The following SLMAP variants were observed in gnomAD, a reference collection of about 807,000 sequenced individuals.
The protein encoded by SLMAP is sarcolemma associated protein, also known as sarcolemmal membrane-associated protein.
In SLMAP, 44 loss-of-function variants were observed where a neutral mutation model predicts 128.8. That is an observed-to-expected ratio of 0.34 (90% CI 0.27 to 0.44). The LOEUF (loss-of-function observed/expected upper bound fraction) is 0.44. SLMAP is among the 20% of genes least tolerant of loss of function. The pLI is 1.00. For synonymous variants in SLMAP, 327 were observed against 348.8 expected, an observed-to-expected ratio of 0.94 and a Z score of 0.70; for missense variants, 787 against 985.3, an observed-to-expected ratio of 0.80 and a Z score of 2.69.
chr3:57,871,827 C>T (rs957576846), intron 14 of SLMAP, 129 bp downstream of exon 14: 1 of 636,430 alleles, frequency 1.6e-6, no homozygotes, highest in African/African-American at 1.9e-5. Flanking sequence ...CTTTAGACAG[C>T]AGCAAACCTT....
chr3:57,785,185 C>G (rs990531926), intron 2 of SLMAP, among the ~76,000 whole-genome samples: 3 of 152,110 alleles, frequency 2.0e-5, no homozygotes, highest in African/African-American at 7.2e-5. Context: ...ATTTCTTAAT[C>G]TACATAAAAT....
At position 57,885,771 on chromosome 3, in the gene SLMAP, C is replaced by CTTTTTTTTTTTTTT. The variant is rs35541333; in HGVS notation, c.1301-4253_1301-4240dup. ...TTGTTTTGCTTTTCGGTTTTTGGTT[C>CTTTTTTTTTTTTTT]TTTTTTTTTTTTTTTTTTTTTTTTT... On this transcript the variant is annotated intron_variant, in intron 14 of 24. Transcript: ENST00000671191. 4.1e-4 allele frequency among the ~76,000 whole-genome samples: 22 copies of CTTTTTTTTTTTTTT among 53,580 alleles called. 3 individuals are homozygous for CTTTTTTTTTTTTTT. Among genetic ancestry groups the CTTTTTTTTTTTTTT allele is most frequent in the Non-Finnish European group, 5.6e-4 (17 of 30,196 alleles). 35.2% of individuals were successfully genotyped at this position (53,580 alleles called of 152,430 possible). A position where few individuals can be genotyped will look rare whatever the true frequency, so the allele number is the denominator to read the frequency against.
chr3:57,833,842 T>C (rs2093483273), intron 3 of SLMAP, among the ~76,000 whole-genome samples: 1 of 152,152 alleles, frequency 6.6e-6, no homozygotes, highest in Admixed American at 6.5e-5. Flanking sequence ...TGGTACTTAC[T>C]GGCTTCAAAA....
In SLMAP at chr3:57,906,438, C is replaced by G. The variant is rs144058266; in HGVS notation, c.1502-1446C>G. On this transcript the variant is annotated intron_variant, in intron 17 of 24. Coordinates refer to ENST00000671191, the MANE Select transcript of SLMAP (RefSeq NM_001377540.1). ...TCAAGCAATTCTCGTGCCTCAGCCTCCTGAGTAGCTGGGATTACAGGCGCG... is the reference window on the plus strand; with the variant it reads ...TCAAGCAATTCTCGTGCCTCAGCCTGCTGAGTAGCTGGGATTACAGGCGCG... 4.2e-3 allele frequency among the ~76,000 whole-genome samples: 624 copies of G among 147,532 alleles called. 7 individuals carry two copies. Among genetic ancestry groups the G allele is most frequent in the African/African-American group, 0.015 (605 of 40,320 alleles).
chr3:57,885,523 G>A (rs908265196), intron 14 of SLMAP, among the ~76,000 whole-genome samples: 5 of 141,942 alleles, frequency 3.5e-5, no homozygotes, highest in South Asian at 4.7e-4. Context: ...GGGTTCAAGC[G>A]ATTCTCCTGC....
At chr3:57,807,763 ATC>A (rs1371478566) in intron 2 of SLMAP, among the ~76,000 whole-genome samples, 1 of 152,120 alleles carries the variant, frequency 6.6e-6, no homozygotes, top group East Asian at 1.9e-4. Context: ...GAGTTTTGGT[ATC>A]AGGATGATGC....
chr3:57,814,237 G>A (rs191044657), intron 2 of SLMAP, among the ~76,000 whole-genome samples: 2 of 152,052 alleles, frequency 1.3e-5, no homozygotes, highest in East Asian at 1.9e-4. Context: ...TCACCCAGGC[G>A]GGAGTGCAGT....
At chr3:57,822,478 A>T (rs1014711895) in intron 2 of SLMAP, among the ~76,000 whole-genome samples, 2 of 152,224 alleles carry the variant, frequency 1.3e-5, no homozygotes, top group African/African-American at 4.8e-5. Context: ...TGTCTGAAGC[A>T]ACTATTTTGG....
intron 2 of SLMAP, among the ~76,000 whole-genome samples, chr3:57,825,097 G>A (rs1247694759): frequency 6.6e-6 from 1 of 152,044 alleles, no homozygotes; most frequent in African/African-American, 2.4e-5. Flanking sequence ...TGTTAACCTT[G>A]TAAGCTGCAA....
intron 14 of SLMAP, among the ~76,000 whole-genome samples, chr3:57,876,317 A>G (rs1434362313): frequency 1.3e-5 from 2 of 152,182 alleles, no homozygotes; most frequent in African/African-American, 2.4e-5. Flanking sequence ...ACACATTTCA[A>G]TTTGTTTTCC....
intron 2 of SLMAP, among the ~76,000 whole-genome samples, chr3:57,780,747 G>A (rs892475942): frequency 6.6e-6 from 1 of 151,812 alleles, no homozygotes; most frequent in Admixed American, 6.6e-5. Context: ...GGGCTCAAGC[G>A]ATCTTCCCAC....
intron 2 of SLMAP, among the ~76,000 whole-genome samples, chr3:57,819,904 A>G (rs1036062076): frequency 6.6e-6 from 1 of 152,064 alleles, no homozygotes; most frequent in Non-Finnish European, 1.5e-5. Flanking sequence ...GGCACACACC[A>G]TCACACCCAG....
chr3:57,814,009 G>C lies in SLMAP; in HGVS notation c.199-17374G>C, dbSNP rs13090917. ...CAAATAATATAGGAAGGTATAATGGGAAGGCCCTTATCCTTATACTGTGTC... is the reference window on the plus strand; with the variant it reads ...CAAATAATATAGGAAGGTATAATGGCAAGGCCCTTATCCTTATACTGTGTC... On this transcript the variant is annotated intron_variant, in intron 2 of 24. Transcript: ENST00000671191. 2.2e-4 allele frequency among the ~76,000 whole-genome samples: 34 copies of C among 151,316 alleles called. No homozygotes were observed. The East Asian group carries it at 6.2e-3, about 28-fold the overall frequency.
rs1431915214 is a variant in SLMAP at position 57,864,673 on chromosome 3, A to G, written c.1092A>G (p.Gln364=). The G allele has an allele frequency of 1.9e-6, 3 of 1,597,998 alleles. No homozygotes were observed. The highest frequency in any genetic ancestry group is 2.6e-6 in the Non-Finnish European group (3 of 1,176,302). ...TCCAGGCAAAAATAGAAGCTTTGCA[A>G]GCTGATAATGATTTCACCAATGAAA... is the stretch of plus-strand genomic sequence containing the variant. The part of the protein sequence containing the change: ...QELQAKIEAL[Q]ADNDFTNERL... The change falls in exon 11 of 25, where the codon CAA becomes CAG. Residue 364 remains glutamine, a synonymous_variant. Coordinates refer to ENST00000671191, the MANE Select transcript of SLMAP (RefSeq NM_001377540.1).
At chr3:57,835,825 T>A (rs941740651) in intron 3 of SLMAP, among the ~76,000 whole-genome samples, 4 of 152,118 alleles carry the variant, frequency 2.6e-5, no homozygotes, top group African/African-American at 9.7e-5. Flanking sequence ...TCAAGCAAAC[T>A]GTCGAAGGAT....
At chr3:57,759,147 A>G (rs985430380) in intron 2 of SLMAP, among the ~76,000 whole-genome samples, 1 of 152,218 alleles carries the variant, frequency 6.6e-6, no homozygotes, top group African/African-American at 2.4e-5. Flanking sequence ...TACGTGTAGG[A>G]TGAGAACTGA....
chr3:57,837,807 G>C (rs996539624), intron 3 of SLMAP, among the ~76,000 whole-genome samples: 10 of 152,200 alleles, frequency 6.6e-5, no homozygotes, highest in African/African-American at 2.4e-4. Flanking sequence ...ATTTTCATCA[G>C]GTTGCTTTAA....
chr3:57,821,456 A>G (rs192437081), intron 2 of SLMAP, among the ~76,000 whole-genome samples: 25 of 152,364 alleles, frequency 1.6e-4, no homozygotes, highest in Non-Finnish European at 2.9e-4. Flanking sequence ...GAATATGAAT[A>G]AAGATTTTTA....
chr3:57,814,557 T>C (rs996409692), intron 2 of SLMAP, among the ~76,000 whole-genome samples: 3 of 152,196 alleles, frequency 2.0e-5, no homozygotes, highest in Non-Finnish European at 4.4e-5. Flanking sequence ...ACTATTTAGC[T>C]TAATTTATTC....
Sources: gnomAD v4.1 joint callset for allele counts (sites outside exome capture counted in the v4.1 genomes callset) on GRCh38, gnomAD v4.1.1 for gene constraint, MANE v1.5 for transcripts, NCBI Gene and HGNC (gene_info 2026-07-23, HGNC 2026-07-21) for gene names.